Variants in CCNB1IP1 observed in about 807,000 individuals in gnomAD.
CCNB1IP1 encodes the protein cyclin B1 interacting protein 1.
CCNB1IP1 carries 14 observed loss-of-function variants against 25.6 expected under a neutral mutation model. The ratio of observed to expected loss-of-function variants is 0.55; its 90% CI spans 0.36 to 0.85. The LOEUF is 0.85. Ranked by LOEUF, CCNB1IP1 falls within the 40% of genes least tolerant of loss-of-function variation. The pLI is 0.01. For synonymous variants in CCNB1IP1, 119 were observed against 116.1 expected (o/e 1.02, Z -0.16); for missense variants, 278 against 342.4 (o/e 0.81, Z 1.48).
chr14:20,323,610 A>G (rs892868307), intron 4 of CCNB1IP1, among the ~76,000 whole-genome samples: 2 of 151,598 alleles, frequency 1.3e-5, no homozygotes, highest in East Asian at 1.9e-4. Flanking sequence ...AGAGACTCTT[A>G]TAAGATAGGA....
At chr14:20,323,154 A>T (rs1404799085) in intron 4 of CCNB1IP1, 1 of 152,012 alleles carries the variant, frequency 6.6e-6, no homozygotes, top group Non-Finnish European at 1.5e-5. Context: ...ACATTTTCTT[A>T]ATCTGGAATC....
At chr14:20,318,646 T>C (rs141186129) in intron 4 of CCNB1IP1, among the ~76,000 whole-genome samples, 63 of 152,326 alleles carry the variant, frequency 4.1e-4, no homozygotes, top group African/African-American at 1.4e-3. Context: ...TGCTTACCCA[T>C]AGCAGCTGCT....
At chr14:20,331,431 A>G (rs1883231173) in intron 1 of CCNB1IP1, among the ~76,000 whole-genome samples, 1 of 152,236 alleles carries the variant, frequency 6.6e-6, no homozygotes, top group Admixed American at 6.5e-5. Context: ...AATCAAGTTT[A>G]GAGTATTGAT....
At chr14:20,316,638 C>T in intron 4 of CCNB1IP1, 78 bp from the exon 5 acceptor site, 1 of 716,112 alleles carries the variant, frequency 1.4e-6, no homozygotes, top group Non-Finnish European at 2.3e-6. Flanking sequence ...ATAACATGCA[C>T]GTTTTTATCA....
At position 20,327,089 on chromosome 14, in the gene CCNB1IP1, A is replaced by C. The variant is rs928663905; in HGVS notation, c.-230-296T>G. Reference sequence around the variant, plus strand: ...AGACCCCGTCTCGAACAAAACAAAAAAAATTTAACAACAACAACAAAAAAA... The same window carrying C: ...AGACCCCGTCTCGAACAAAACAAAACAAATTTAACAACAACAACAAAAAAA... On this transcript the variant is annotated intron_variant, in intron 2 of 6. Coordinates refer to ENST00000358932, the MANE Select transcript of CCNB1IP1 (RefSeq NM_021178.5). Among the ~76,000 whole-genome samples, 52 of 152,232 alleles carry C rather than the reference A, an allele frequency of 3.4e-4. 1 individual carries two copies. The highest frequency in any genetic ancestry group is 1.2e-3 in the African/African-American group (51 of 41,530).
In CCNB1IP1 at chr14:20,329,380, C is replaced by T. The variant is rs1883169721; in HGVS notation, c.-430-7G>A. ...AGTGGATTTCATCTTCAACCTGAAA[C>T]AAAATGAACACACAAAATTTTGTTC... On this transcript the variant is annotated splice_polypyrimidine_tract_variant and splice_region_variant and intron_variant, in intron 1 of 6. Coordinates refer to ENST00000358932, the MANE Select transcript of CCNB1IP1 (RefSeq NM_021178.5). The T allele has an allele frequency of 6.6e-6, 1 of 152,180 alleles. No individual in the cohort carries two copies. The highest frequency in any genetic ancestry group is 1.5e-5 in the Non-Finnish European group (1 of 68,022). 9.4% of individuals were successfully genotyped at this position (152,180 alleles called of 1,614,324 possible). A position where few individuals can be genotyped will look rare whatever the true frequency, so the allele number is the denominator to read the frequency against.
At chr14:20,320,487 T>G (rs995229305) in intron 4 of CCNB1IP1, 1 of 309,072 alleles carries the variant, frequency 3.2e-6, no homozygotes, top group African/African-American at 3.7e-5. Flanking sequence ...TCATATTTAT[T>G]GGCTATAAAA....
chr14:20,311,514 T>C lies in CCNB1IP1; in HGVS notation c.*36A>G. 6.4e-7 allele frequency: 1 copy of C among 1,572,354 alleles called. No homozygotes were observed. Among genetic ancestry groups the C allele is most frequent in the Non-Finnish European group, 8.7e-7 (1 of 1,144,008 alleles). On this transcript the variant is annotated 3_prime_UTR_variant, in exon 7 of 7. Coordinates refer to ENST00000358932, the MANE Select transcript of CCNB1IP1 (RefSeq NM_021178.5). ...ATCCTCCCAGCCTCAACCTCCTAAG[T>C]AGCTGGGATCACAGGTGCGTGACAC...
intron 5 of CCNB1IP1, chr14:20,315,495 A>G: frequency 8.9e-7 from 1 of 1,129,058 alleles, no homozygotes; most frequent in Non-Finnish European, 1.1e-6. Context: ...CCAGAAAAAT[A>G]TAATAAAAAG....
intron 1 of CCNB1IP1, among the ~76,000 whole-genome samples, chr14:20,331,432 G>A (rs1002180295): frequency 6.6e-6 from 1 of 152,158 alleles, no homozygotes; most frequent in Non-Finnish European, 1.5e-5. Context: ...ATCAAGTTTA[G>A]AGTATTGATT....
intron 4 of CCNB1IP1, among the ~76,000 whole-genome samples, chr14:20,323,786 C>T (rs534247953): frequency 6.6e-6 from 1 of 151,728 alleles, no homozygotes; most frequent in Non-Finnish European, 1.5e-5. Flanking sequence ...GGCGTGGTGG[C>T]GGGCGCCTGT....
At chr14:20,332,020 ATATATATTTTTTTTT>A (rs1294574122) in intron 1 of CCNB1IP1, among the ~76,000 whole-genome samples, 1 of 55,276 alleles carries the variant, frequency 1.8e-5, no homozygotes, top group African/African-American at 7.9e-5. Flanking sequence ...ATATATATAT[ATATATATTTTTTTTT>A]TTTTTTTTTT....
rs1473178927 is a variant in CCNB1IP1, at chr14:20,314,862, T to C, written c.298-1061A>G. Among the ~76,000 whole-genome samples the C allele has an allele frequency of 2.9e-4, 44 of 150,810 alleles. 1 individual carries two copies. In the East Asian group the frequency reaches 7.6e-3, roughly 26 times the overall value. ...ATCCCAGCACTTTGGGAGGCAGAGG[T>C]GGGCGGATCATGAGGTCAGGAGATC... On this transcript the variant is annotated intron_variant, in intron 5 of 6. Transcript: ENST00000358932.
intron 5 of CCNB1IP1, chr14:20,315,948 TTAC>T (rs1303683723): frequency 2.2e-6 from 1 of 453,540 alleles, no homozygotes; most frequent in Middle Eastern, 3.2e-4. Flanking sequence ...GTGTGTTATC[TTAC>T]TTTTATACAG....
intron 5 of CCNB1IP1, among the ~76,000 whole-genome samples, chr14:20,315,067 GA>G (rs1882636449): frequency 8.7e-6 from 1 of 114,348 alleles, no homozygotes; most frequent in African/African-American, 3.5e-5. Flanking sequence ...CTCCAGCCTG[GA>G]CAACAAAGCG....
In CCNB1IP1 at chr14:20,311,722, GT is replaced by G; in HGVS notation, c.661del (p.Thr221HisfsTer42). 1.2e-6 allele frequency: 2 copies of G among 1,613,956 alleles called. No homozygotes were observed. The highest frequency in any genetic ancestry group is 1.7e-6 in the Non-Finnish European group (2 of 1,179,998). On this transcript the variant is annotated frameshift_variant, in exon 7 of 7. Coordinates refer to ENST00000358932, the MANE Select transcript of CCNB1IP1 (RefSeq NM_021178.5). LOFTEE classifies it high-confidence loss of function. ...TCCATCGCCCCGATTTCGAACAGGT[GT>G]ATTATCCAAAGGAAACTTGGAGTTG... ...GNNSKFPLDN[T>X]PVRNRGDGDG...
chr14:20,316,518 AG>A lies in CCNB1IP1; in HGVS notation c.5del (p.Ser2PhefsTer58). The A allele has an allele frequency of 6.2e-7, 1 of 1,605,038 alleles. No homozygotes were observed. The highest frequency in any genetic ancestry group is 1.7e-4 in the Middle Eastern group (1 of 6,044). On this transcript the variant is annotated frameshift_variant, in exon 5 of 7. Coordinates refer to ENST00000358932, the MANE Select transcript of CCNB1IP1 (RefSeq NM_021178.5). LOFTEE classifies it high-confidence loss of function. Reference protein sequence around the residue: MSLCEDMLLCNY... With the variant: MXLCEDMLLCNY... ...TACAAAGCAGCATGTCTTCACACAA[AG>A]ACATAATAGGATAGTGAGGTCTCCA...
Position 20,311,654 on chromosome 14 carries a change from T to A in CCNB1IP1, c.730A>T (p.Thr244Ser), listed in dbSNP as rs1355336104. 3 of 1,614,032 alleles carry A rather than the reference T, an allele frequency of 1.9e-6. No individual in the cohort carries two copies. In the African/African-American group the frequency reaches 4.0e-5, roughly 22 times the overall value. The change falls in exon 7 of 7, where the codon ACA (threonine) becomes TCA (serine). Residue 244 changes from threonine (T) to serine (S), a missense_variant. By Grantham distance (58) the Thr-to-Ser change is moderately conservative. Transcript: ENST00000358932. ...QFRPFFAGSP[T>S]APEPSNSFFS... ...AAGCTGTTGCTGGGTTCAGGTGCTG[T>A]GGGAGAACCCGCAAAAAATGGTCTG... is the stretch of plus-strand genomic sequence containing the variant.
At chr14:20,323,386 C>T (rs1882958353) in intron 4 of CCNB1IP1, 1 of 152,148 alleles carries the variant, frequency 6.6e-6, no homozygotes, top group Admixed American at 6.5e-5. Context: ...GACATCCCAA[C>T]CTGGGCAACA....
Sources: gnomAD v4.1 joint callset for allele counts (sites outside exome capture counted in the v4.1 genomes callset) on GRCh38, gnomAD v4.1.1 for gene constraint, MANE v1.5 for transcripts, NCBI Gene and HGNC (gene_info 2026-07-23, HGNC 2026-07-21) for gene names.